Variants in FNBP1L observed in about 807,000 individuals in gnomAD.
FNBP1L encodes formin binding protein 1 like.
Under a neutral mutation model 91.2 loss-of-function variants are expected in FNBP1L, and 36 were observed. That is an observed-to-expected ratio of 0.39 (90% CI 0.30 to 0.52). The LOEUF (loss-of-function observed/expected upper bound fraction) is 0.52, where lower values mean the gene tolerates loss of function less well. FNBP1L is among the 20% of genes least tolerant of loss of function. The probability of loss-of-function intolerance (pLI) is 0.66; values close to 1 mark genes in which losing one functional copy is unlikely to be tolerated. For synonymous variants in FNBP1L, 242 were observed against 237.0 expected (o/e 1.02, Z -0.19); for missense variants, 571 against 732.1 (o/e 0.78, Z 2.54).
In FNBP1L at chr1:93,529,693, G is replaced by A; in HGVS notation, c.447G>A (p.Lys149=). 1 of 1,518,838 alleles carries A rather than the reference G, an allele frequency of 6.6e-7. No homozygotes were observed. The highest frequency in any genetic ancestry group is 8.8e-7 in the Non-Finnish European group (1 of 1,137,216). The allele number at this position is 1,518,838 out of a possible 1,614,324, so 94.1% of individuals were successfully genotyped here. The change falls in exon 6 of 17, where the codon AAG becomes AAA. Residue 149 remains lysine, a synonymous_variant. Transcript: ENST00000271234. ...AAAGAGAATGTAGAGAGGCAGAAAA[G>A]GCACAACAGAGTTATGAAAGATTGG... The part of the protein sequence containing the change: ...KFERECREAE[K]AQQSYERLDN...
At chr1:93,468,284 GTTC>G (rs1669158258) in intron 1 of FNBP1L, among the ~76,000 whole-genome samples, 1 of 151,422 alleles carries the variant, frequency 6.6e-6, no homozygotes, top group Non-Finnish European at 1.5e-5. Flanking sequence ...GCATTACTTT[GTTC>G]TTTTTTTTTT....
intron 1 of FNBP1L, among the ~76,000 whole-genome samples, chr1:93,456,873 A>G (rs1215925129): frequency 6.6e-6 from 1 of 152,004 alleles, no homozygotes; most frequent in East Asian, 1.9e-4. Context: ...AGTGCTTAAT[A>G]TATGCCAATT....
At chr1:93,517,039 CTTCCTT>C (rs1181801457) in intron 2 of FNBP1L, among the ~76,000 whole-genome samples, 1 of 149,074 alleles carries the variant, frequency 6.7e-6, no homozygotes, top group African/African-American at 2.4e-5. Context: ...TTCTTTTCCT[CTTCCTT>C]TTTTTTTTTT....
At chr1:93,472,587 TG>T (rs1669329194) in intron 1 of FNBP1L, among the ~76,000 whole-genome samples, 4 of 151,388 alleles carry the variant, frequency 2.6e-5, no homozygotes, top group African/African-American at 9.7e-5. Flanking sequence ...CTGAGGTGGG[TG>T]GATCACGAGG....
intron 1 of FNBP1L, among the ~76,000 whole-genome samples, chr1:93,452,173 T>G (rs1668520104): frequency 6.6e-6 from 1 of 152,230 alleles, no homozygotes; most frequent in African/African-American, 2.4e-5. Context: ...TGGATTCATC[T>G]TTGTTTTCAC....
intron 10 of FNBP1L, among the ~76,000 whole-genome samples, chr1:93,539,145 C>T (rs573410913): frequency 6.2e-4 from 95 of 152,132 alleles, no homozygotes; most frequent in Admixed American, 4.5e-3. Context: ...TCCAGGTTTT[C>T]TCTCTGAATA....
intron 10 of FNBP1L, among the ~76,000 whole-genome samples, chr1:93,538,968 G>A (rs1671937466): frequency 6.6e-6 from 1 of 152,020 alleles, no homozygotes; most frequent in South Asian, 2.1e-4. Flanking sequence ...CTTTTCTGAG[G>A]GAGGAAGTTC....
chr1:93,472,567 C>T (rs1428062202), intron 1 of FNBP1L, among the ~76,000 whole-genome samples: 1 of 151,352 alleles, frequency 6.6e-6, no homozygotes, highest in South Asian at 2.1e-4. Context: ...AATCCCAGAA[C>T]TTTGGGAGGC....
chr1:93,470,167 CT>C (rs1203074155), intron 1 of FNBP1L, among the ~76,000 whole-genome samples: 33 of 152,052 alleles, frequency 2.2e-4, no homozygotes, highest in Non-Finnish European at 4.4e-5. Context: ...GGGTCTAGCT[CT>C]GTTGCCCAGG....
intron 5 of FNBP1L, among the ~76,000 whole-genome samples, chr1:93,527,851 A>G (rs1447979184): frequency 6.6e-6 from 1 of 152,178 alleles, no homozygotes; most frequent in Non-Finnish European, 1.5e-5. Flanking sequence ...AAATGCAAAA[A>G]CAAACAAGGA....
chr1:93,492,593 G>C (rs1346939196), intron 1 of FNBP1L, among the ~76,000 whole-genome samples: 1 of 152,180 alleles, frequency 6.6e-6, no homozygotes, highest in Non-Finnish European at 1.5e-5. Context: ...CACGCCTATA[G>C]TCCTGGTGCT....
intron 1 of FNBP1L, among the ~76,000 whole-genome samples, chr1:93,471,004 TAAG>T (rs1669267779): frequency 6.6e-6 from 1 of 152,184 alleles, no homozygotes; most frequent in African/African-American, 2.4e-5. Context: ...TGGTAATATC[TAAG>T]AAGAATAATT....
At chr1:93,470,894 A>G (rs913901698) in intron 1 of FNBP1L, among the ~76,000 whole-genome samples, 5 of 150,376 alleles carry the variant, frequency 3.3e-5, no homozygotes, top group Non-Finnish European at 5.9e-5. Context: ...AAAAAAGTCC[A>G]GGAAATGTGG....
intron 16 of FNBP1L, 153 bp downstream of exon 16, chr1:93,551,258 G>A: frequency 2.3e-6 from 3 of 1,324,082 alleles, no homozygotes; most frequent in Non-Finnish European, 2.9e-6. Flanking sequence ...TGAGCTGAGT[G>A]TAGGCTTGAT....
intron 1 of FNBP1L, among the ~76,000 whole-genome samples, chr1:93,484,147 T>C (rs923630085): frequency 1.3e-5 from 2 of 152,230 alleles, no homozygotes; most frequent in African/African-American, 4.8e-5. Flanking sequence ...CAGGCTGGTC[T>C]CAAACTCCTG....
intron 3 of FNBP1L, 102 bp downstream of exon 3, chr1:93,522,237 A>G: frequency 2.0e-6 from 1 of 496,192 alleles, no homozygotes; most frequent in Non-Finnish European, 3.1e-6. Context: ...TAAAGATTTT[A>G]TAAAGTTTAA....
rs1419329585 is a variant in FNBP1L, at chr1:93,553,413, T to C, written c.*997T>C. 6.5e-6 allele frequency: 1 copy of C among 152,702 alleles called. No individual in the cohort carries two copies. Among genetic ancestry groups the C allele is most frequent in the East Asian group, 1.9e-4 (1 of 5,198 alleles). 9.5% of individuals were successfully genotyped at this position (152,702 alleles called of 1,614,324 possible). On this transcript the variant is annotated 3_prime_UTR_variant, in exon 17 of 17. Coordinates refer to ENST00000271234, the MANE Select transcript of FNBP1L (RefSeq NM_001164473.3). The stretch of plus-strand genomic sequence containing the variant: ...TCTGCAGCACCGCTGCAGCTGCCGA[T>C]GTAGCCTCGGTAGGTGGCTATTAGA...
intron 1 of FNBP1L, among the ~76,000 whole-genome samples, chr1:93,493,263 G>T (rs955468022): frequency 5.3e-5 from 8 of 151,468 alleles, no homozygotes; most frequent in African/African-American, 1.9e-4. Context: ...GCTGGAGGAC[G>T]GCTTAAGCCC....
intron 1 of FNBP1L, among the ~76,000 whole-genome samples, chr1:93,448,889 C>G (rs1434164321): frequency 6.6e-6 from 1 of 152,184 alleles, no homozygotes; most frequent in Non-Finnish European, 1.5e-5. Flanking sequence ...CAGGCCCAGC[C>G]CACACGCACA....
Sources: allele counts gnomAD v4.1 joint callset (sites outside exome capture counted in the v4.1 genomes callset), GRCh38; gene constraint gnomAD v4.1.1; transcripts MANE v1.5; gene names NCBI Gene and HGNC (gene_info 2026-07-23, HGNC 2026-07-21).